Variants in COL24A1 observed in about 807,000 individuals in gnomAD.
COL24A1 encodes collagen alpha-1(XXIV) chain.
In COL24A1, 224 loss-of-function variants were observed where a neutral mutation model predicts 253.9. The ratio of observed to expected loss-of-function variants is 0.88; its 90% confidence interval spans 0.79 to 0.99. The LOEUF (loss-of-function observed/expected upper bound fraction) is 0.99. COL24A1 is among the 50% of genes least tolerant of loss of function. COL24A1 has a pLI of 0.00. For missense variants in COL24A1, 2,131 were observed against 2,068.5 expected, an observed-to-expected ratio of 1.03 and a Z score of -0.59; for synonymous variants, 685 against 673.7, an observed-to-expected ratio of 1.02 and a Z score of -0.26.
chr1:85,754,882 A>C (rs879918564), intron 55 of COL24A1, among the ~76,000 whole-genome samples: 2 of 152,144 alleles, frequency 1.3e-5, no homozygotes, highest in Admixed American at 6.6e-5. Flanking sequence ...TCAGAAGGGG[A>C]GGAGAGAGAA....
chr1:86,122,846 AT>A (rs1488857733), intron 3 of COL24A1, among the ~76,000 whole-genome samples: 1 of 151,950 alleles, frequency 6.6e-6, no homozygotes, highest in Non-Finnish European at 1.5e-5. Flanking sequence ...TACCAGACCG[AT>A]TTTCCAATTA....
At chr1:85,981,253 T>C (rs1693231559) in intron 20 of COL24A1, among the ~76,000 whole-genome samples, 5 of 152,134 alleles carry the variant, frequency 3.3e-5, no homozygotes, top group Admixed American at 3.3e-4. Context: ...CAAACTAGGC[T>C]ATAGTTACCA....
At chr1:85,895,803 T>C in intron 31 of COL24A1, 55 bp downstream of exon 31, 1 of 1,438,814 alleles carries the variant, frequency 7.0e-7, no homozygotes, top group African/African-American at 1.4e-5. Flanking sequence ...GCAGCCCCTT[T>C]CCCCCAAAAA....
intron 43 of COL24A1, among the ~76,000 whole-genome samples, chr1:85,826,700 G>A (rs2102030726): frequency 6.6e-6 from 1 of 151,740 alleles, no homozygotes; most frequent in Middle Eastern, 3.4e-3. Context: ...GTGAATGGGA[G>A]TCCACTCATG....
rs529266785 is a variant in COL24A1, at chr1:85,922,041, T to C, written c.2563-10608A>G. Among the ~76,000 whole-genome samples the C allele has an allele frequency of 7.9e-5, 12 of 152,228 alleles. 1 individual carries two copies. The South Asian group carries it at 2.3e-3, about 29-fold the overall frequency. On this transcript the variant is annotated intron_variant, in intron 24 of 59. Coordinates refer to ENST00000370571, the MANE Select transcript of COL24A1 (RefSeq NM_152890.7). ...CGCATGCACAAGCTTCAATAGCTGA[T>C]TCGATCTAGTGGAAGAAAGAGTATC...
intron 47 of COL24A1, among the ~76,000 whole-genome samples, chr1:85,808,320 T>C (rs1367411467): frequency 6.6e-6 from 1 of 152,182 alleles, no homozygotes. Context: ...CTGAAGAAAG[T>C]GGTAGTGTAT....
intron 18 of COL24A1, among the ~76,000 whole-genome samples, chr1:86,020,509 G>T (rs1311122138): frequency 6.6e-6 from 1 of 152,048 alleles, no homozygotes; most frequent in Non-Finnish European, 1.5e-5. Flanking sequence ...CCATCAACAT[G>T]TTATAAATAT....
At chr1:86,095,900 T>C (rs973838097) in intron 5 of COL24A1, among the ~76,000 whole-genome samples, 1 of 152,104 alleles carries the variant, frequency 6.6e-6, no homozygotes, top group South Asian at 2.1e-4. Context: ...TAGTCCATTA[T>C]TGAATCTCCA....
At chr1:85,823,235 G>T (rs1244442667) in intron 45 of COL24A1, among the ~76,000 whole-genome samples, 2 of 151,780 alleles carry the variant, frequency 1.3e-5, no homozygotes, top group Non-Finnish European at 2.9e-5. Context: ...AGGTTTGCTG[G>T]TATTTCTGTT....
intron 45 of COL24A1, 119 bp downstream of exon 45, chr1:85,823,417 T>G (rs1673864976): frequency 2.2e-6 from 2 of 906,206 alleles, no homozygotes; most frequent in Non-Finnish European, 3.5e-6. Flanking sequence ...CCCATAGTGA[T>G]CCATATTCTA....
At chr1:85,760,299 C>A (rs1666722558) in intron 55 of COL24A1, among the ~76,000 whole-genome samples, 1 of 152,048 alleles carries the variant, frequency 6.6e-6, no homozygotes, top group Non-Finnish European at 1.5e-5. Context: ...CCCACTTCAG[C>A]CTCCCAAAGT....
At chr1:85,978,173 G>A (rs1012487933) in intron 20 of COL24A1, among the ~76,000 whole-genome samples, 2 of 151,974 alleles carry the variant, frequency 1.3e-5, no homozygotes, top group African/African-American at 2.4e-5. Flanking sequence ...TCAGACAAAC[G>A]TGTGAAGAGC....
rs1178154818 is a variant in COL24A1, at chr1:85,825,966, T to G, written c.3682-2228A>C. On this transcript the variant is annotated intron_variant, in intron 43 of 59. Transcript: ENST00000370571. ...TGTCAATTTTGGCTTTTGTTGCCATTGCTTTTGGTGTTTTAGACGTGAAGT... is the reference window on the plus strand; with the variant it reads ...TGTCAATTTTGGCTTTTGTTGCCATGGCTTTTGGTGTTTTAGACGTGAAGT... 2.3e-5 allele frequency among the ~76,000 whole-genome samples: 2 copies of G among 87,110 alleles called. 1 individual carries two copies. Among genetic ancestry groups the G allele is most frequent in the East Asian group, 5.1e-4 (2 of 3,954 alleles). 57.1% of individuals were successfully genotyped at this position (87,110 alleles called of 152,430 possible).
At chr1:86,137,525 C>T (rs912622881) in intron 2 of COL24A1, among the ~76,000 whole-genome samples, 1 of 152,164 alleles carries the variant, frequency 6.6e-6, no homozygotes, top group Non-Finnish European at 1.5e-5. Context: ...AGGCCAACTT[C>T]TTAACATGGT....
chr1:86,134,066 C>G (rs9659872), intron 2 of COL24A1, among the ~76,000 whole-genome samples: 146,379 of 152,156 alleles, frequency 0.96, 70,576 homozygotes, highest in Non-Finnish European at 1. Context: ...CTTCTTCCTG[C>G]TTTCGTCTTG....
intron 1 of COL24A1, 96 bp from the exon 2 acceptor site, chr1:86,146,279 C>A: frequency 1.1e-6 from 1 of 924,230 alleles, no homozygotes; most frequent in South Asian, 1.6e-5. Context: ...AAGAATTAAG[C>A]AATTATTTTA....
At chr1:86,147,966 CAGAATTT>C (rs1213034157) in intron 1 of COL24A1, among the ~76,000 whole-genome samples, 1 of 152,162 alleles carries the variant, frequency 6.6e-6, no homozygotes, top group Non-Finnish European at 1.5e-5. Flanking sequence ...GCCTCACCCC[CAGAATTT>C]CTAACTAAGT....
intron 7 of COL24A1, among the ~76,000 whole-genome samples, chr1:86,077,015 C>CT (rs1259541811): frequency 6.6e-6 from 1 of 152,078 alleles, no homozygotes; most frequent in Non-Finnish European, 1.5e-5. Context: ...AACTAAAGAG[C>CT]TCTGCACAGC....
At chr1:85,987,336 C>A (rs952275686) in intron 20 of COL24A1, among the ~76,000 whole-genome samples, 1 of 151,668 alleles carries the variant, frequency 6.6e-6, no homozygotes, top group Non-Finnish European at 1.5e-5. Flanking sequence ...TACGCTATGA[C>A]TTTTTAGAGT....
Sources: allele counts gnomAD v4.1 joint callset (sites outside exome capture counted in the v4.1 genomes callset), GRCh38; gene constraint gnomAD v4.1.1; transcripts MANE v1.5; gene names NCBI Gene and HGNC (gene_info 2026-07-23, HGNC 2026-07-21).